The following ARNT2 variants were observed in gnomAD, a reference collection of about 807,000 sequenced individuals.
ARNT2 encodes aryl hydrocarbon receptor nuclear translocator 2.
A neutral mutation model predicts 91.7 loss-of-function variants in ARNT2; 36 were observed. The ratio of observed to expected loss-of-function variants is 0.39; its 90% CI spans 0.30 to 0.52. ARNT2 has a LOEUF of 0.52. Among genes scored for constraint, ARNT2 ranks in the 20% least tolerant of loss-of-function variants. The pLI is 0.72. For synonymous variants in ARNT2, 365 were observed against 347.1 expected, an observed-to-expected ratio of 1.05 and a Z score of -0.57; for missense variants, 775 against 939.3, an observed-to-expected ratio of 0.83 and a Z score of 2.29.
At chr15:80,459,206 A>C (rs1437531192) in intron 3 of ARNT2, among the ~76,000 whole-genome samples, 1 of 152,188 alleles carries the variant, frequency 6.6e-6, no homozygotes, top group Admixed American at 6.5e-5. Flanking sequence ...CTTTGGTTGA[A>C]ACAGTAGAGA....
At chr15:80,470,502 G>T in intron 4 of ARNT2, 71 bp downstream of exon 4, 1 of 1,518,146 alleles carries the variant, frequency 6.6e-7, no homozygotes, top group South Asian at 1.2e-5. Context: ...AATAAACTAC[G>T]TGGGGAACCA....
chr15:80,460,241 G>A (rs1157760649), intron 3 of ARNT2, among the ~76,000 whole-genome samples: 1 of 152,134 alleles, frequency 6.6e-6, no homozygotes, highest in Non-Finnish European at 1.5e-5. Flanking sequence ...TTGCAAGGGG[G>A]CTTCCCAGTT....
At chr15:80,499,164 T>C (rs1897158597) in intron 5 of ARNT2, among the ~76,000 whole-genome samples, 1 of 152,218 alleles carries the variant, frequency 6.6e-6, no homozygotes, top group Admixed American at 6.5e-5. Flanking sequence ...AAAGTTAATC[T>C]GCTTTTTATT....
intron 1 of ARNT2, among the ~76,000 whole-genome samples, chr15:80,440,626 G>C (rs571959247): frequency 1.3e-5 from 2 of 152,114 alleles, no homozygotes; most frequent in East Asian, 3.9e-4. Flanking sequence ...GCATCTCCCC[G>C]GGCTGCCTTG....
chr15:80,435,385 C>G (rs900785979), intron 1 of ARNT2, among the ~76,000 whole-genome samples: 1 of 152,140 alleles, frequency 6.6e-6, no homozygotes, highest in Admixed American at 6.5e-5. Context: ...TGAGAAGAGC[C>G]GTTATTGGGT....
intron 5 of ARNT2, among the ~76,000 whole-genome samples, chr15:80,494,361 A>G (rs1003647164): frequency 3.3e-5 from 5 of 151,918 alleles, no homozygotes; most frequent in Non-Finnish European, 7.4e-5. Context: ...GCCTTCTTGA[A>G]CTCCATGTCA....
chr15:80,530,422 C>T (rs1039136160), intron 8 of ARNT2, among the ~76,000 whole-genome samples: 1 of 152,182 alleles, frequency 6.6e-6, no homozygotes, highest in Non-Finnish European at 1.5e-5. Context: ...ATGCCGTGTT[C>T]TGTGCTGATC....
chr15:80,582,267 A>G (rs1898812768), intron 17 of ARNT2, among the ~76,000 whole-genome samples: 1 of 151,538 alleles, frequency 6.6e-6, no homozygotes, highest in Non-Finnish European at 1.5e-5. Flanking sequence ...TCAAGGTGGC[A>G]GATCACCGGA....
At chr15:80,481,557 A>T (rs535129405) in intron 5 of ARNT2, among the ~76,000 whole-genome samples, 162 of 152,124 alleles carry the variant, frequency 1.1e-3, no homozygotes, top group Non-Finnish European at 7.4e-4. Context: ...AAAAAAATTT[A>T]AAAAAATTAG....
intron 1 of ARNT2, among the ~76,000 whole-genome samples, chr15:80,446,094 C>G (rs1289070838): frequency 1.3e-5 from 2 of 152,066 alleles, no homozygotes; most frequent in Non-Finnish European, 2.9e-5. Flanking sequence ...TTCTTTAATC[C>G]TCATAACTCC....
At chr15:80,513,089 C>T (rs777182776) in intron 6 of ARNT2, among the ~76,000 whole-genome samples, 3 of 152,130 alleles carry the variant, frequency 2.0e-5, no homozygotes, top group Non-Finnish European at 4.4e-5. Context: ...CTTATCCCTG[C>T]TGTATTGAAA....
intron 3 of ARNT2, among the ~76,000 whole-genome samples, chr15:80,463,346 T>TTCCAA (rs1182032915): frequency 1.3e-5 from 2 of 151,290 alleles, no homozygotes; most frequent in African/African-American, 4.8e-5. Flanking sequence ...AGAGGAGCCC[T>TTCCAA]TCCAAACTTC....
intron 1 of ARNT2, chr15:80,436,089 A>T (rs541092229): frequency 6.6e-6 from 1 of 151,644 alleles, no homozygotes; most frequent in Non-Finnish European, 1.5e-5. Flanking sequence ...TTACCTACAG[A>T]CTCAGGGATG....
rs550105472 is a variant in ARNT2, at chr15:80,508,877, G to T, written c.725+619G>T. On this transcript the variant is annotated intron_variant, in intron 6 of 18. Coordinates refer to ENST00000303329, the MANE Select transcript of ARNT2 (RefSeq NM_014862.4). ...GAAAGCAGGGGAATTTTGCCATGTC[G>T]TTGAAGAAGAGAGAGCTGGGATCTT... 4.6e-5 allele frequency among the ~76,000 whole-genome samples: 7 copies of T among 152,296 alleles called. No individual in the cohort carries two copies. In the South Asian group the frequency reaches 1.5e-3, roughly 32 times the overall value.
chr15:80,513,093 A>G (rs377669567), intron 6 of ARNT2, among the ~76,000 whole-genome samples: 11 of 152,342 alleles, frequency 7.2e-5, no homozygotes, highest in African/African-American at 2.6e-4. Context: ...TCCCTGCTGT[A>G]TTGAAAATTA....
intron 5 of ARNT2, among the ~76,000 whole-genome samples, chr15:80,481,568 C>G (rs571000946): frequency 5.9e-5 from 9 of 152,154 alleles, no homozygotes; most frequent in Non-Finnish European, 7.4e-5. Context: ...AAAAAATTAG[C>G]TGGGTGTGGA....
intron 15 of ARNT2, 73 bp from the exon 16 acceptor site, chr15:80,580,338 G>A: frequency 6.4e-7 from 1 of 1,570,386 alleles, no homozygotes; most frequent in Non-Finnish European, 8.7e-7. Flanking sequence ...GGCAGATTGT[G>A]TGGTTGGCTG....
intron 8 of ARNT2, among the ~76,000 whole-genome samples, chr15:80,517,734 C>T (rs1277372841): frequency 6.6e-6 from 1 of 151,732 alleles, no homozygotes; most frequent in African/African-American, 2.4e-5. Flanking sequence ...TGTGTTCAGC[C>T]TACTGATGAG....
chr15:80,569,957 G>A (rs1427939866), intron 12 of ARNT2, among the ~76,000 whole-genome samples: 1 of 152,226 alleles, frequency 6.6e-6, no homozygotes, highest in Non-Finnish European at 1.5e-5. Context: ...CTGCCATCAT[G>A]GGGAGTTCAC....
Sources: gnomAD v4.1 joint callset for allele counts (sites outside exome capture counted in the v4.1 genomes callset) on GRCh38, gnomAD v4.1.1 for gene constraint, MANE v1.5 for transcripts, NCBI Gene and HGNC (gene_info 2026-07-23, HGNC 2026-07-21) for gene names.